Variants in ZDHHC4 observed in about 807,000 individuals in gnomAD.
ZDHHC4 encodes zDHHC palmitoyltransferase 4.
Under a neutral mutation model 36.7 loss-of-function variants are expected in ZDHHC4, and 42 were observed. The observed-to-expected ratio is 1.14, with a 90% CI of 0.89 to 1.48. The LOEUF (loss-of-function observed/expected upper bound fraction) is 1.48. Among genes scored for constraint, ZDHHC4 ranks in the 40% most tolerant of loss-of-function variants. The pLI is 0.00. For synonymous variants in ZDHHC4, 189 were observed against 166.6 expected, an observed-to-expected ratio of 1.13 and a Z score of -1.03; for missense variants, 457 against 421.5, an observed-to-expected ratio of 1.08 and a Z score of -0.74.
At position 6,581,667 on chromosome 7, in the gene ZDHHC4, CT is replaced by C; in HGVS notation, c.182del (p.Phe61SerfsTer48). ...QRAVHGLLHY[L>X]FHTRNHTFIV... ...AGCCGTGCATGGATTGCTTCATTAC[CT>C]TTTCCATACGAGGTATTTCTCTTTC... On this transcript the variant is annotated frameshift_variant, in exon 4 of 8. Coordinates refer to ENST00000335965, the MANE Select transcript of ZDHHC4 (RefSeq NM_001134389.2). LOFTEE classifies it high-confidence loss of function. 1 of 1,606,696 alleles carries C rather than the reference CT, an allele frequency of 6.2e-7. No homozygotes were observed. The highest frequency in any genetic ancestry group is 8.5e-7 in the Non-Finnish European group (1 of 1,174,066).
intron 7 of ZDHHC4, among the ~76,000 whole-genome samples, 168 bp downstream of exon 7, chr7:6,585,428 A>G (rs746052422): frequency 6.6e-6 from 1 of 152,094 alleles, no homozygotes; most frequent in Non-Finnish European, 1.5e-5. Flanking sequence ...GTTCAGGACC[A>G]GCCTGGGCAA....
intron 1 of ZDHHC4, 80 bp downstream of exon 1, chr7:6,577,578 C>A (rs1780513699): frequency 6.6e-6 from 1 of 152,312 alleles, no homozygotes; most frequent in African/African-American, 2.4e-5. Context: ...CTCCCTTTCC[C>A]CTTGTGTGTA....
chr7:6,585,238 T>C lies in ZDHHC4; in HGVS notation c.719T>C (p.Met240Thr). The C allele has an allele frequency of 6.2e-7, 1 of 1,614,176 alleles. No homozygotes were observed. The highest frequency in any genetic ancestry group is 8.5e-7 in the Non-Finnish European group (1 of 1,180,014). ...GATGACCTTGGACACCTCCATGTTA[T>C]GGACACGGTCTTTCTTATTCAGGTA... ...YIDDLGHLHV[M>T]DTVFLIQYLF... The change falls in exon 7 of 8, where the codon ATG becomes ACG. Residue 240 changes from methionine (M) to threonine (T), a missense_variant. By Grantham distance (81) the Met-to-Thr change is moderately conservative. Transcript: ENST00000335965.
chr7:6,582,942 G>T (rs922761685), intron 5 of ZDHHC4, among the ~76,000 whole-genome samples: 5 of 152,128 alleles, frequency 3.3e-5, no homozygotes, highest in Admixed American at 2.0e-4. Flanking sequence ...AGGTCTAGGT[G>T]GGAGGATCAC....
At chr7:6,584,915 A>G in intron 6 of ZDHHC4, 101 bp from the exon 7 acceptor site, 1 of 1,505,428 alleles carries the variant, frequency 6.6e-7, no homozygotes, top group Non-Finnish European at 9.0e-7. Context: ...TTTTCCTCTG[A>G]TGACACATCC....
chr7:6,580,820 G>C lies in ZDHHC4; in HGVS notation c.117+142G>C, dbSNP rs939403894. On this transcript the variant is annotated intron_variant, in intron 3 of 7. Transcript: ENST00000335965. ...GTAATCCCGCTACTCAGGAAGCTGAGGCAGGAGGATCCCTTGAGCCAGGAG... is the reference window on the plus strand; with the variant it reads ...GTAATCCCGCTACTCAGGAAGCTGACGCAGGAGGATCCCTTGAGCCAGGAG... The C allele has an allele frequency of 1.5e-5, 11 of 757,372 alleles. No individual in the cohort carries two copies. The South Asian group carries it at 1.9e-4, about 13-fold the overall frequency. The allele number at this position is 757,372 out of a possible 1,614,324, so 46.9% of individuals were successfully genotyped here.
chr7:6,586,848 C>T (rs1370261655), intron 7 of ZDHHC4, among the ~76,000 whole-genome samples: 2 of 145,932 alleles, frequency 1.4e-5, no homozygotes, highest in Non-Finnish European at 3.0e-5. Context: ...ATTTGTTCAT[C>T]AGTTGATGGA....
At chr7:6,579,011 TG>T (rs1038993301) in intron 2 of ZDHHC4, among the ~76,000 whole-genome samples, 1 of 151,884 alleles carries the variant, frequency 6.6e-6, no homozygotes, top group Admixed American at 6.6e-5. Flanking sequence ...TTTGTAGAGA[TG>T]GGGGTCTCGC....
intron 2 of ZDHHC4, among the ~76,000 whole-genome samples, chr7:6,579,268 T>C (rs1780671289): frequency 6.6e-6 from 1 of 151,542 alleles, no homozygotes; most frequent in African/African-American, 2.4e-5. Flanking sequence ...TGGCGCGATC[T>C]CGGCTCACTG....
intron 4 of ZDHHC4, 38 bp from the exon 5 acceptor site, chr7:6,582,034 AG>A: frequency 6.3e-7 from 1 of 1,583,540 alleles, no homozygotes; most frequent in Non-Finnish European, 8.6e-7. Context: ...TTCTTCAAGA[AG>A]AAACCCCCAT....
In ZDHHC4 at chr7:6,581,600, GTT is replaced by G; in HGVS notation, c.118-5_118-4del. Reference sequence around the variant, plus strand: ...AAATTGAGTCTTTCTCTTTCCTTTTGTTTCAGATATTTTCCTGTATAATTCCA... The same window carrying G: ...AAATTGAGTCTTTCTCTTTCCTTTTGTCAGATATTTTCCTGTATAATTCCA... On this transcript the variant is annotated splice_polypyrimidine_tract_variant and splice_region_variant and intron_variant, in intron 3 of 7. Transcript: ENST00000335965. The G allele has an allele frequency of 6.2e-7, 1 of 1,606,222 alleles. No individual in the cohort carries two copies. Among genetic ancestry groups the G allele is most frequent in the East Asian group, 2.2e-5 (1 of 44,816 alleles).
At chr7:6,586,799 G>C (rs375349775) in intron 7 of ZDHHC4, among the ~76,000 whole-genome samples, 42 of 152,062 alleles carry the variant, frequency 2.8e-4, no homozygotes, top group African/African-American at 9.9e-4. Flanking sequence ...TTTTATGGCT[G>C]AATAGTATTC....
intron 7 of ZDHHC4, among the ~76,000 whole-genome samples, chr7:6,586,607 C>A (rs1479664633): frequency 2.6e-5 from 4 of 152,152 alleles, no homozygotes; most frequent in African/African-American, 9.7e-5. Flanking sequence ...TCCCGTGTAG[C>A]TGGGATTACA....
chr7:6,582,164 G>A lies in ZDHHC4; in HGVS notation c.283G>A (p.Glu95Lys). 1 of 1,614,162 alleles carries A rather than the reference G, an allele frequency of 6.2e-7. No homozygotes were observed. Among genetic ancestry groups the A allele is most frequent in the Non-Finnish European group, 8.5e-7 (1 of 1,180,032 alleles). Residue 95 changes from glutamate (E) to lysine (K), a missense_variant, in exon 5 of 8, where the codon GAG becomes AAG. Transcript: ENST00000335965. ...WEVFGYCQELELSLHYLLLPY... is the reference protein window; with the variant it reads ...WEVFGYCQELKLSLHYLLLPY... ...AGTATTTGGCTACTGTCAGGAGCTG[G>A]AGTTGTCCTTGCATTACCTTCTTCT...
In ZDHHC4 at chr7:6,589,013, A is replaced by T. The variant is rs1218062992; in HGVS notation, c.*103A>T. ...TTGTTTTGATTTCTGCTGTGCTTAT[A>T]AATCACTTTCGGTGGGCAAGGGAGA... On this transcript the variant is annotated 3_prime_UTR_variant, in exon 8 of 8. Transcript: ENST00000335965. 2 of 1,447,270 alleles carry T rather than the reference A, an allele frequency of 1.4e-6. No homozygotes were observed. Among genetic ancestry groups the T allele is most frequent in the Non-Finnish European group, 1.9e-6 (2 of 1,067,638 alleles). 89.7% of individuals were successfully genotyped at this position (1,447,270 alleles called of 1,614,324 possible). A position where few individuals can be genotyped will look rare whatever the true frequency, so the allele number is the denominator to read the frequency against.
At position 6,581,638 on chromosome 7, in the gene ZDHHC4, A is replaced by C. The variant is rs149388883; in HGVS notation, c.149A>C (p.Gln50Pro). 3.6e-4 allele frequency: 581 copies of C among 1,612,094 alleles called. 2 individuals are homozygous for C. The African/African-American group carries it at 5.7e-3, about 16-fold the overall frequency. Residue 50 changes from glutamine to proline, a missense_variant, in exon 4 of 8, where the codon CAG (glutamine) becomes CCG (proline). Coordinates refer to ENST00000335965, the MANE Select transcript of ZDHHC4 (RefSeq NM_001134389.2). ...TCCTGTATAATTCCAGAATGTCTTC[A>C]GAGAGCCGTGCATGGATTGCTTCAT... ...IFSCIIPECLQRAVHGLLHYL... is the reference protein window; with the variant it reads ...IFSCIIPECLPRAVHGLLHYL...
intron 6 of ZDHHC4, 190 bp downstream of exon 6, chr7:6,583,621 G>A: frequency 1.4e-6 from 1 of 715,074 alleles, no homozygotes. Context: ...TTCCTGTGTA[G>A]TAGACAGTCC....
chr7:6,581,735 TG>T, intron 4 of ZDHHC4, 55 bp downstream of exon 4: 1 of 1,404,176 alleles, frequency 7.1e-7, no homozygotes, highest in Non-Finnish European at 1.0e-6. Context: ...GATTATTAAT[TG>T]TTGAGATCCT....
intron 5 of ZDHHC4, among the ~76,000 whole-genome samples, chr7:6,582,881 A>G (rs1335985730): frequency 6.6e-6 from 1 of 152,156 alleles, no homozygotes; most frequent in Non-Finnish European, 1.5e-5. Flanking sequence ...ATTATTAAAA[A>G]TGAATTGCGT....
Sources: gnomAD v4.1 joint callset for allele counts (sites outside exome capture counted in the v4.1 genomes callset) on GRCh38, gnomAD v4.1.1 for gene constraint, MANE v1.5 for transcripts, NCBI Gene and HGNC (gene_info 2026-07-23, HGNC 2026-07-21) for gene names.